The following VPS13A variants were observed in gnomAD, a reference collection of about 807,000 sequenced individuals.
The protein encoded by VPS13A is vacuolar protein sorting 13 homolog A.
VPS13A carries 264 observed loss-of-function variants against 390.9 expected under a neutral mutation model. That is an observed-to-expected ratio of 0.68 (90% CI 0.61 to 0.75). VPS13A has a LOEUF of 0.75. VPS13A is among the 30% of genes least tolerant of loss of function. The probability of loss-of-function intolerance (pLI) is 0.00; values close to 1 mark genes in which losing one functional copy is unlikely to be tolerated. For synonymous variants in VPS13A, 1,231 were observed against 1,227.1 expected (o/e 1.00, Z -0.07); for missense variants, 3,409 against 3,733.9 (o/e 0.91, Z 2.27).
At position 77,370,401 on chromosome 9, in the gene VPS13A, A is replaced by G. The variant is rs370488947; in HGVS notation, c.8744-14A>G. The stretch of plus-strand genomic sequence containing the variant: ...AATGGCATCATTACTTTTACTAAAG[A>G]TAATTTCTGTCAGGTGGATTGGCTG... On this transcript the variant is annotated splice_polypyrimidine_tract_variant and intron_variant, in intron 64 of 71. Transcript: ENST00000360280. 7 of 1,614,058 alleles carry G rather than the reference A, an allele frequency of 4.3e-6. No homozygotes were observed. The highest frequency in any genetic ancestry group is 1.3e-5 in the African/African-American group (1 of 74,922).
chr9:77,246,476 G>T (rs1306172069), intron 19 of VPS13A, among the ~76,000 whole-genome samples: 1 of 152,062 alleles, frequency 6.6e-6, no homozygotes, highest in Non-Finnish European at 1.5e-5. Flanking sequence ...TTGTGTGTGT[G>T]TGTGTGTGTG....
chr9:77,382,739 C>G (rs1027923269), intron 68 of VPS13A: 12 of 986,196 alleles, frequency 1.2e-5, no homozygotes, highest in Middle Eastern at 5.2e-4. Flanking sequence ...CTGCTTTATT[C>G]TAGTGTAGTC....
chr9:77,410,636 T>C (rs1834875672), intron 71 of VPS13A, among the ~76,000 whole-genome samples: 4 of 151,512 alleles, frequency 2.6e-5, no homozygotes, highest in Admixed American at 2.6e-4. Context: ...AAGGCAGGAG[T>C]TGCAATCCTA....
chr9:77,399,181 T>TAAAAAAAAAAAAAAAAAAAAAAAAAAAAA (rs1223344360), intron 68 of VPS13A, among the ~76,000 whole-genome samples: 1 of 34,966 alleles, frequency 2.9e-5, no homozygotes, highest in African/African-American at 9.2e-5. Flanking sequence ...AAAAAAAAAA[T>TAAAAAAAAAAAAAAAAAAAAAAAAAAAAA]AAAAAAAAAA....
Position 77,416,052 on chromosome 9 carries a change from C to T in VPS13A, c.*46C>T. On this transcript the variant is annotated 3_prime_UTR_variant, in exon 72 of 72. Coordinates refer to ENST00000360280, the MANE Select transcript of VPS13A (RefSeq NM_033305.3). Reference sequence around the variant, plus strand: ...CACACAGCAATAAGTGATTACAGCTCCTAGACTACCTTCCAAAACCTGTTT... The same window carrying T: ...CACACAGCAATAAGTGATTACAGCTTCTAGACTACCTTCCAAAACCTGTTT... 6.2e-7 allele frequency: 1 copy of T among 1,604,428 alleles called. No individual in the cohort carries two copies. Among genetic ancestry groups the T allele is most frequent in the South Asian group, 1.1e-5 (1 of 90,806 alleles).
At chr9:77,193,303 C>A (rs1375293239) in intron 1 of VPS13A, among the ~76,000 whole-genome samples, 2 of 151,742 alleles carry the variant, frequency 1.3e-5, no homozygotes, top group Non-Finnish European at 2.9e-5. Flanking sequence ...ATTTCGGTAT[C>A]TTCTGAGTTT....
At chr9:77,237,004 C>T (rs998280531) in intron 17 of VPS13A, among the ~76,000 whole-genome samples, 3 of 152,138 alleles carry the variant, frequency 2.0e-5, no homozygotes, top group African/African-American at 4.8e-5. Context: ...ATTCTCCTGC[C>T]TCAGGCTCCC....
At position 77,319,642 on chromosome 9, in the gene VPS13A, A is replaced by T; in HGVS notation, c.5384A>T (p.Glu1795Val). The stretch of plus-strand genomic sequence containing the variant: ...GAACCCTTAGAAATTGATCAGACTG[A>T]GGATTTTAGACCATGGAATCTTGGT... ...LLEPLEIDQT[E>V]DFRPWNLGIK... is the part of the protein sequence containing the mutation. The change falls in exon 42 of 72, where the codon GAG becomes GTG. Residue 1795 changes from glutamate (E) to valine (V), a missense_variant. Physicochemically the swap from Glu to Val is moderately radical, Grantham distance 121. This residue lies in a region of VPS13A where 2,717 missense variants were observed against 2,917.4 expected (regional missense o/e 0.93). Coordinates refer to ENST00000360280, the MANE Select transcript of VPS13A (RefSeq NM_033305.3). The T allele has an allele frequency of 1.2e-6, 2 of 1,609,664 alleles. No homozygotes were observed. The highest frequency in any genetic ancestry group is 1.7e-6 in the Non-Finnish European group (2 of 1,176,532).
intron 5 of VPS13A, among the ~76,000 whole-genome samples, chr9:77,207,161 C>G (rs1417770189): frequency 1.6e-5 from 2 of 128,454 alleles, no homozygotes; most frequent in Non-Finnish European, 3.2e-5. Flanking sequence ...AGGCCCGCAC[C>G]TATATTACTA....
chr9:77,357,951 CCT>C lies in VPS13A; in HGVS notation c.7953+114_7953+115del. On this transcript the variant is annotated intron_variant, in intron 56 of 71. Transcript: ENST00000360280. ...GTATTCAGTTTCAATGTTGTGCTAG[CCT>C]TTTTTTTTTTTTTTTTTTTTGAGAC... 1.0e-5 allele frequency: 7 copies of C among 673,498 alleles called. No homozygotes were observed. The South Asian group carries it at 1.9e-4, about 18-fold the overall frequency. The allele number at this position is 673,498 out of a possible 1,614,324, so 41.7% of individuals were successfully genotyped here. A position where few individuals can be genotyped will look rare whatever the true frequency, so the allele number is the denominator to read the frequency against.
intron 41 of VPS13A, among the ~76,000 whole-genome samples, chr9:77,319,128 C>G (rs1257124374): frequency 1.4e-5 from 2 of 147,118 alleles, no homozygotes; most frequent in African/African-American, 5.1e-5. Context: ...CCTGGGAAGT[C>G]GAGGCTGTGG....
rs573008708 is a variant in VPS13A at position 77,201,361 on chromosome 9, G to C, written c.145-4G>C. ...TTTTGTGTATATATAAATTTTTTCT[G>C]TAGAGTCAACTGGATGTACCATTTA... is the stretch of plus-strand genomic sequence containing the variant. On this transcript the variant is annotated splice_region_variant and splice_polypyrimidine_tract_variant and intron_variant, in intron 2 of 71. Coordinates refer to ENST00000360280, the MANE Select transcript of VPS13A (RefSeq NM_033305.3). The C allele has an allele frequency of 3.7e-6, 6 of 1,603,456 alleles. No individual in the cohort carries two copies. In the African/African-American group the frequency reaches 8.0e-5, roughly 21 times the overall value.
chr9:77,355,663 T>G (rs1831733470), intron 54 of VPS13A, among the ~76,000 whole-genome samples: 1 of 152,208 alleles, frequency 6.6e-6, no homozygotes, highest in Admixed American at 6.5e-5. Context: ...TATTTCCTCC[T>G]TCTACCAAAA....
At chr9:77,248,355 C>G (rs1249994861) in intron 20 of VPS13A, among the ~76,000 whole-genome samples, 2 of 150,466 alleles carry the variant, frequency 1.3e-5, no homozygotes, top group Non-Finnish European at 3.0e-5. Flanking sequence ...AGCTGGGACT[C>G]CAGGCCCCCG....
At chr9:77,209,748 G>T (rs1241800886) in intron 6 of VPS13A, among the ~76,000 whole-genome samples, 1 of 152,102 alleles carries the variant, frequency 6.6e-6, no homozygotes, top group Non-Finnish European at 1.5e-5. Flanking sequence ...TCAGACATTA[G>T]ATCATGAAGG....
At position 77,332,062 on chromosome 9, in the gene VPS13A, T is replaced by A; in HGVS notation, c.6044T>A (p.Leu2015Ter). 1.9e-6 allele frequency: 3 copies of A among 1,612,446 alleles called. No homozygotes were observed. Among genetic ancestry groups the A allele is most frequent in the Non-Finnish European group, 2.5e-6 (3 of 1,178,854 alleles). ...PLSVYEGDTL[L>*]GTASPENEFN... ...TCTGTTTACGAAGGGGATACCTTAT[T>A]GGGAACTGCCTCACCTGAAAATGAA... Residue 2015 changes from leucine (L) to a stop codon, truncating the protein, a stop_gained, in exon 46 of 72, where the codon TTG becomes TAG. Coordinates refer to ENST00000360280, the MANE Select transcript of VPS13A (RefSeq NM_033305.3). LOFTEE classifies it high-confidence loss of function.
chr9:77,363,108 C>T (rs1203786649), intron 59 of VPS13A, among the ~76,000 whole-genome samples: 2 of 152,028 alleles, frequency 1.3e-5, no homozygotes, highest in South Asian at 2.1e-4. Flanking sequence ...TCTTCTTCTT[C>T]CCTAGTTGTT....
At chr9:77,409,710 T>G (rs375855147) in intron 71 of VPS13A, among the ~76,000 whole-genome samples, 1 of 150,796 alleles carries the variant, frequency 6.6e-6, no homozygotes, top group Non-Finnish European at 1.5e-5. Context: ...TGATGGAAGA[T>G]GAAATGAATG....
rs372548380 is a variant in VPS13A, at chr9:77,282,223, C to G, written c.3067C>G (p.Pro1023Ala). The G allele has an allele frequency of 2.5e-6, 4 of 1,613,368 alleles. No homozygotes were observed. The highest frequency in any genetic ancestry group is 2.5e-6 in the Non-Finnish European group (3 of 1,179,772). ...TCCGCAATCAGAGGAAAAATCAGCC[C>G]CAGTGTCCACTACAGAGACTGAAGA... ...ILPQSEEKSA[P>A]VSTTETEDKG... Residue 1023 changes from proline (P) to alanine (A), a missense_variant, in exon 29 of 72, where the codon CCA (proline) becomes GCA (alanine). Transcript: ENST00000360280.
Sources: gnomAD v4.1 joint callset for allele counts (sites outside exome capture counted in the v4.1 genomes callset) on GRCh38, gnomAD v4.1.1 for gene constraint, gnomAD v4.1.1 regional missense constraint, MANE v1.5 for transcripts, NCBI Gene and HGNC (gene_info 2026-07-23, HGNC 2026-07-21) for gene names.